Variants in NSMCE2 observed in about 807,000 individuals in gnomAD.
NSMCE2 encodes the protein E3 SUMO-protein ligase NSE2.
Under a neutral mutation model 23.8 loss-of-function variants are expected in NSMCE2, and 24 were observed. The observed-to-expected ratio is 1.01, with a 90% CI of 0.73 to 1.42. The LOEUF is 1.42. NSMCE2 is among the 40% of genes most tolerant of loss of function. The pLI is 0.00. For synonymous variants in NSMCE2, 92 were observed against 94.1 expected (o/e 0.98, Z 0.13); for missense variants, 284 against 296.5 (o/e 0.96, Z 0.31).
intron 3 of NSMCE2, among the ~76,000 whole-genome samples, chr8:125,143,461 AT>A (rs1275215879): frequency 6.6e-6 from 1 of 152,212 alleles, no homozygotes; most frequent in Non-Finnish European, 1.5e-5. Context: ...AAATGGACAT[AT>A]GTACTTTATG....
chr8:125,312,829 G>A (rs1829021301), intron 5 of NSMCE2, among the ~76,000 whole-genome samples: 4 of 152,094 alleles, frequency 2.6e-5, no homozygotes, highest in Admixed American at 2.6e-4. Context: ...GTGATAAAGA[G>A]TACGGGGCCG....
intron 5 of NSMCE2, among the ~76,000 whole-genome samples, chr8:125,294,467 A>G (rs182797617): frequency 2.2e-3 from 336 of 152,128 alleles, no homozygotes; most frequent in African/African-American, 7.7e-3. Context: ...AGCACATGTT[A>G]TTGTCTCTTT....
Position 125,111,589 on chromosome 8 carries a change from C to T in NSMCE2, c.157+9102C>T, listed in dbSNP as rs549797552. On this transcript the variant is annotated intron_variant, in intron 3 of 7. Coordinates refer to ENST00000287437, the MANE Select transcript of NSMCE2 (RefSeq NM_173685.4). ...CCGAGGCGGGCGGATCACTTGAGGT[C>T]AGGAGTTCCAGATCAGCCTGGCCAA... Among the ~76,000 whole-genome samples, 5 of 152,268 alleles carry T rather than the reference C, an allele frequency of 3.3e-5. No homozygotes were observed. In the East Asian group the frequency reaches 7.7e-4, roughly 24 times the overall value.
At chr8:125,113,057 T>TG (rs60153673) in intron 3 of NSMCE2, among the ~76,000 whole-genome samples, 15,248 of 105,146 alleles carry the variant, frequency 0.15, 1,099 homozygotes, top group Middle Eastern at 0.25. Flanking sequence ...TAACAGAAAA[T>TG]GGGGGGGGGG....
intron 4 of NSMCE2, among the ~76,000 whole-genome samples, chr8:125,176,530 T>C (rs1490981303): frequency 6.6e-6 from 1 of 152,210 alleles, no homozygotes; most frequent in Non-Finnish European, 1.5e-5. Context: ...TTAAAATCCA[T>C]ACACTGGTTG....
At chr8:125,289,049 A>G (rs184965779) in intron 5 of NSMCE2, among the ~76,000 whole-genome samples, 100 of 152,226 alleles carry the variant, frequency 6.6e-4, no homozygotes, top group African/African-American at 2.4e-3. Flanking sequence ...TTAACCTCCC[A>G]AAGTGCTGGG....
intron 1 of NSMCE2, among the ~76,000 whole-genome samples, chr8:125,100,242 C>T (rs183557422): frequency 1.4e-4 from 22 of 152,024 alleles, no homozygotes; most frequent in Middle Eastern, 6.8e-3. Context: ...TGAGAGGAGT[C>T]GTAAAAGAGC....
chr8:125,213,097 A>C (rs888226919), intron 5 of NSMCE2, among the ~76,000 whole-genome samples: 4 of 152,270 alleles, frequency 2.6e-5, no homozygotes, highest in Non-Finnish European at 5.9e-5. Context: ...GGAAAAAGAA[A>C]AAAAGAAATT....
At chr8:125,316,740 C>CTTCCTTCT (rs1554637208) in intron 5 of NSMCE2, among the ~76,000 whole-genome samples, 1 of 130,100 alleles carries the variant, frequency 7.7e-6, no homozygotes, top group African/African-American at 3.1e-5. Context: ...CTTTTCCTTC[C>CTTCCTTCT]TTCCTTCCTT....
At chr8:125,116,325 A>C (rs1819005229) in intron 3 of NSMCE2, among the ~76,000 whole-genome samples, 1 of 152,224 alleles carries the variant, frequency 6.6e-6, no homozygotes, top group Admixed American at 6.5e-5. Flanking sequence ...TGCTCACCAC[A>C]GGTCCTTCAG....
chr8:125,119,176 A>G (rs374125244), intron 3 of NSMCE2, among the ~76,000 whole-genome samples: 2 of 152,140 alleles, frequency 1.3e-5, no homozygotes, highest in African/African-American at 4.8e-5. Context: ...GTTACCGTGG[A>G]ATCTCACTCC....
At chr8:125,137,330 A>G (rs1012854812) in intron 3 of NSMCE2, among the ~76,000 whole-genome samples, 1 of 152,112 alleles carries the variant, frequency 6.6e-6, no homozygotes, top group Non-Finnish European at 1.5e-5. Flanking sequence ...TGGAATCTTA[A>G]TGCTTATAGG....
intron 5 of NSMCE2, among the ~76,000 whole-genome samples, chr8:125,324,015 A>G (rs2131276708): frequency 6.6e-6 from 1 of 152,270 alleles, no homozygotes; most frequent in African/African-American, 2.4e-5. Flanking sequence ...ATGAACAACA[A>G]CAAAAAAACT....
intron 3 of NSMCE2, among the ~76,000 whole-genome samples, chr8:125,144,363 C>T (rs539492562): frequency 6.6e-6 from 1 of 152,282 alleles, no homozygotes; most frequent in East Asian, 1.9e-4. Flanking sequence ...TTAGCCATGC[C>T]CACCTGGATT....
intron 3 of NSMCE2, among the ~76,000 whole-genome samples, chr8:125,106,945 G>A (rs1418609345): frequency 2.0e-5 from 3 of 151,320 alleles, no homozygotes; most frequent in Non-Finnish European, 2.9e-5. Flanking sequence ...GCAGTGAGCC[G>A]AGATCACGCC....
In NSMCE2 at chr8:125,238,705, AAT is replaced by A. The variant is rs201548786; in HGVS notation, c.418+56454_418+56455del. On this transcript the variant is annotated intron_variant, in intron 5 of 7. Transcript: ENST00000287437. The stretch of plus-strand genomic sequence containing the variant: ...CTCAATTTATTTTAAGATTTAAAAT[AAT>A]ATATTTTTAAATAGTAGATTAAGAC... 3.5e-3 allele frequency among the ~76,000 whole-genome samples: 534 copies of A among 152,308 alleles called. 15 individuals are homozygous for A. The highest frequency in any genetic ancestry group is 0.029 in the Admixed American group (450 of 15,296).
chr8:125,116,841 T>C (rs1306733364), intron 3 of NSMCE2, among the ~76,000 whole-genome samples: 1 of 152,092 alleles, frequency 6.6e-6, no homozygotes, highest in Non-Finnish European at 1.5e-5. Flanking sequence ...ATGGCCATAC[T>C]GAAGATATAT....
At chr8:125,176,006 C>T (rs1313065014) in intron 4 of NSMCE2, among the ~76,000 whole-genome samples, 1 of 152,138 alleles carries the variant, frequency 6.6e-6, no homozygotes, top group Admixed American at 6.6e-5. Context: ...ACAGTCAACT[C>T]ATTGATTACC....
intron 5 of NSMCE2, among the ~76,000 whole-genome samples, chr8:125,220,598 A>C (rs1194404498): frequency 2.6e-5 from 4 of 152,078 alleles, no homozygotes; most frequent in Non-Finnish European, 4.4e-5. Flanking sequence ...TGAAAGTAAT[A>C]AAATGACTCT....
Sources: allele counts gnomAD v4.1 joint callset (sites outside exome capture counted in the v4.1 genomes callset), GRCh38; gene constraint gnomAD v4.1.1; transcripts MANE v1.5; gene names NCBI Gene and HGNC (gene_info 2026-07-23, HGNC 2026-07-21).